Variants in TMEM232 observed in about 807,000 individuals in gnomAD.
The protein encoded by TMEM232 is transmembrane protein 232.
TMEM232 carries 80 observed loss-of-function variants against 78.8 expected under a neutral mutation model. The ratio of observed to expected loss-of-function variants is 1.01; its 90% CI spans 0.85 to 1.22. The LOEUF (loss-of-function observed/expected upper bound fraction) is 1.22. Ranked by LOEUF, TMEM232 falls within the 50% of genes most tolerant of loss-of-function variation. The probability of loss-of-function intolerance (pLI) is 0.00; values close to 1 mark genes in which losing one functional copy is unlikely to be tolerated. For synonymous variants in TMEM232, 297 were observed against 254.3 expected (o/e 1.17, Z -1.60); for missense variants, 881 against 742.2 (o/e 1.19, Z -2.17).
At chr5:110,725,182 A>C (rs1798033254) in intron 1 of TMEM232, among the ~76,000 whole-genome samples, 1 of 152,200 alleles carries the variant, frequency 6.6e-6, no homozygotes, top group Non-Finnish European at 1.5e-5. Context: ...CTACCTCGAA[A>C]AGCTTTCTGT....
chr5:110,524,443 AG>A (rs1265720900), intron 12 of TMEM232, among the ~76,000 whole-genome samples: 3 of 150,424 alleles, frequency 2.0e-5, no homozygotes, highest in Non-Finnish European at 3.0e-5. Flanking sequence ...AAGAAAAGAA[AG>A]GAAAGAAAGA....
intron 3 of TMEM232, among the ~76,000 whole-genome samples, chr5:110,396,537 C>T (rs1755395810): frequency 6.6e-6 from 1 of 152,182 alleles, no homozygotes; most frequent in African/African-American, 2.4e-5. Flanking sequence ...GGGCATCAAG[C>T]TTCTGGTTAG....
chr5:110,549,802 G>A (rs976490513), intron 11 of TMEM232, among the ~76,000 whole-genome samples: 48 of 152,004 alleles, frequency 3.2e-4, no homozygotes, highest in African/African-American at 1.0e-3. Flanking sequence ...TTAATTCCTA[G>A]AAAGAAAACA....
rs146890485 is a variant in TMEM232 at position 110,514,393 on chromosome 5, A to G, written c.1703+14195T>C. On this transcript the variant is annotated intron_variant, in intron 12 of 13. Coordinates refer to ENST00000455884, the MANE Select transcript of TMEM232 (RefSeq NM_001039763.4). ...CTTATTATTTATCACAATCTTACTAAGAATTAAATATTATATTCTAAAGAA... is the reference window on the plus strand; with the variant it reads ...CTTATTATTTATCACAATCTTACTAGGAATTAAATATTATATTCTAAAGAA... Among the ~76,000 whole-genome samples, 61 of 152,290 alleles carry G rather than the reference A, an allele frequency of 4.0e-4. 1 individual carries two copies. Among genetic ancestry groups the G allele is most frequent in the African/African-American group, 1.4e-3 (60 of 41,578 alleles).
At chr5:110,624,745 T>C (rs1211504615) in intron 7 of TMEM232, among the ~76,000 whole-genome samples, 1 of 152,084 alleles carries the variant, frequency 6.6e-6, no homozygotes, top group Non-Finnish European at 1.5e-5. Flanking sequence ...ATATATTTAA[T>C]TTATAGCCAA....
chr5:110,708,269 A>G (rs1796139415), intron 1 of TMEM232, among the ~76,000 whole-genome samples: 1 of 152,202 alleles, frequency 6.6e-6, no homozygotes, highest in Non-Finnish European at 1.5e-5. Context: ...ATGAAGAAGA[A>G]AAAAGACTTT....
At chr5:110,393,959 A>C (rs1221400113) in intron 3 of TMEM232, among the ~76,000 whole-genome samples, 3 of 113,662 alleles carry the variant, frequency 2.6e-5, no homozygotes, top group Non-Finnish European at 5.0e-5. Context: ...ACTTCATCTC[A>C]AAAAAAAAAA....
chr5:110,476,690 C>A (rs889688236), intron 12 of TMEM232, among the ~76,000 whole-genome samples: 17 of 151,938 alleles, frequency 1.1e-4, no homozygotes, highest in African/African-American at 3.6e-4. Context: ...TAATGAACAA[C>A]CTAATGACAA....
intron 2 of TMEM232, among the ~76,000 whole-genome samples, chr5:110,663,282 C>G (rs1355962413): frequency 6.6e-6 from 1 of 151,700 alleles, no homozygotes; most frequent in Admixed American, 6.6e-5. Context: ...TTAAGACTTC[C>G]ATATAATTAA....
chr5:110,478,565 A>G (rs990861703), intron 12 of TMEM232, among the ~76,000 whole-genome samples: 1 of 151,928 alleles, frequency 6.6e-6, no homozygotes, highest in Non-Finnish European at 1.5e-5. Context: ...TATATATAAA[A>G]ACAGATACAG....
intron 12 of TMEM232, among the ~76,000 whole-genome samples, chr5:110,438,061 T>C (rs915696329): frequency 6.6e-6 from 1 of 152,124 alleles, no homozygotes; most frequent in African/African-American, 2.4e-5. Context: ...CCCCAGGCTT[T>C]CTAACATTTC....
chr5:110,524,417 AAAGAAAAG>A (rs1260797460), intron 12 of TMEM232, among the ~76,000 whole-genome samples: 1 of 47,954 alleles, frequency 2.1e-5, no homozygotes, highest in East Asian at 1.7e-3. Flanking sequence ...GAAAGAAAGA[AAAGAAAAG>A]AAAAGAAAAG....
intron 8 of TMEM232, among the ~76,000 whole-genome samples, chr5:110,615,170 C>T (rs1423641920): frequency 6.6e-6 from 1 of 151,718 alleles, no homozygotes; most frequent in African/African-American, 2.4e-5. Context: ...ATCTGGAATC[C>T]CACAAACTTC....
At chr5:110,544,047 T>G (rs1018086222) in intron 11 of TMEM232, among the ~76,000 whole-genome samples, 2 of 152,134 alleles carry the variant, frequency 1.3e-5, no homozygotes, top group African/African-American at 2.4e-5. Context: ...TTACTACTAT[T>G]TAGCCTGGCA....
At chr5:110,465,067 G>A (rs985356181) in intron 12 of TMEM232, among the ~76,000 whole-genome samples, 8 of 152,244 alleles carry the variant, frequency 5.3e-5, no homozygotes, top group South Asian at 4.1e-4. Flanking sequence ...CTAACAAATC[G>A]ACAAAGGATA....
intron 12 of TMEM232, among the ~76,000 whole-genome samples, chr5:110,486,046 T>C (rs1200330337): frequency 6.6e-6 from 1 of 151,962 alleles, no homozygotes; most frequent in Non-Finnish European, 1.5e-5. Flanking sequence ...CTTTGTGGTT[T>C]TGATTTGCAT....
At chr5:110,391,295 G>GTGTA (rs1484871548) in intron 3 of TMEM232, among the ~76,000 whole-genome samples, 1 of 132,544 alleles carries the variant, frequency 7.5e-6, no homozygotes, top group Non-Finnish European at 1.5e-5. Context: ...GTTTGAATGT[G>GTGTA]TGTGTGTGTG....
intron 1 of TMEM232, among the ~76,000 whole-genome samples, chr5:110,675,639 T>G (rs1791935270): frequency 6.6e-6 from 1 of 152,196 alleles, no homozygotes; most frequent in Admixed American, 6.5e-5. Context: ...ACCCCCAGCA[T>G]TACTGAGCAA....
downstream of TMEM232, among the ~76,000 whole-genome samples, chr5:110,415,247 G>A (rs947247134): frequency 6.6e-6 from 1 of 151,460 alleles, no homozygotes; most frequent in African/African-American, 2.4e-5. Context: ...GAGTGCAGTG[G>A]TGCGATCTCG....
Sources: gnomAD v4.1 joint callset for allele counts (sites outside exome capture counted in the v4.1 genomes callset) on GRCh38, gnomAD v4.1.1 for gene constraint, MANE v1.5 for transcripts, NCBI Gene and HGNC (gene_info 2026-07-23, HGNC 2026-07-21) for gene names.